Variants in RAPH1 observed in about 807,000 individuals in gnomAD.
RAPH1 encodes the protein Ras association (RalGDS/AF-6) and pleckstrin homology domains 1.
In RAPH1, 18 loss-of-function variants were observed where a neutral mutation model predicts 88.1. The ratio of observed to expected loss-of-function variants is 0.20; its 90% CI spans 0.14 to 0.30. The LOEUF (loss-of-function observed/expected upper bound fraction) is 0.30, where lower values mean the gene tolerates loss of function less well. RAPH1 is among the 10% of genes least tolerant of loss of function. RAPH1 has a pLI of 1.00. For synonymous variants in RAPH1, 587 were observed against 559.0 expected (o/e 1.05, Z -0.71); for missense variants, 1,448 against 1,543.2 (o/e 0.94, Z 1.03).
rs1201403582 is a variant in RAPH1, at chr2:203,512,621, C to CTTT, written c.1-17271_1-17269dup. 9.6e-4 allele frequency among the ~76,000 whole-genome samples: 121 copies of CTTT among 125,878 alleles called. 1 individual carries two copies. The highest frequency in any genetic ancestry group is 8.2e-3 in the South Asian group (33 of 4,022). 82.6% of individuals were successfully genotyped at this position (125,878 alleles called of 152,430 possible). A position where few individuals can be genotyped will look rare whatever the true frequency, so the allele number is the denominator to read the frequency against. ...ACAACATATGCTAAACATCCCTTAC[C>CTTT]TTTTTTTTTTTTTTTTTTTGAGACA... On this transcript the variant is annotated intron_variant, in intron 1 of 13. Transcript: ENST00000319170.
chr2:203,473,568 C>T (rs2098534958), intron 4 of RAPH1, among the ~76,000 whole-genome samples: 2 of 151,974 alleles, frequency 1.3e-5, no homozygotes, highest in African/African-American at 2.4e-5. Context: ...CCCTTGATTA[C>T]AGGGGAAAAA....
chr2:203,528,518 G>A (rs563653731), intron 1 of RAPH1, among the ~76,000 whole-genome samples: 7 of 152,212 alleles, frequency 4.6e-5, no homozygotes, highest in South Asian at 4.1e-4. Flanking sequence ...AAGTACAGCC[G>A]AAGAGGCACT....
At chr2:203,444,595 C>A in intron 13 of RAPH1, 2 of 409,964 alleles carry the variant, frequency 4.9e-6, no homozygotes, top group Non-Finnish European at 8.6e-6. Flanking sequence ...AAATCTGAGC[C>A]ACTGATGAAA....
chr2:203,501,729 C>T (rs1012139076), intron 1 of RAPH1, among the ~76,000 whole-genome samples: 1 of 148,832 alleles, frequency 6.7e-6, no homozygotes. Flanking sequence ...TAGTGACCCT[C>T]AATAGAAAGG....
Position 203,495,259 on chromosome 2 carries a change from A to T in RAPH1, c.95T>A (p.Leu32His), listed in dbSNP as rs1688461283. The change falls in exon 2 of 14, where the codon CTT becomes CAT. Residue 32 changes from leucine (L) to histidine (H), a missense_variant. Around this residue, in one of 2 missense-constraint regions of RAPH1, gnomAD observed 513 missense variants for 653.1 expected, o/e 0.79. Coordinates refer to ENST00000319170, the MANE Select transcript of RAPH1 (RefSeq NM_213589.3). ...CTGAGTGAGTTTGTCTAGTTCTCCA[A>T]GCCAGGCTCCAAACATTTTGTCCAG... ...QDLDKMFGAW[L>H]GELDKLTQSL... is the part of the protein sequence containing the mutation. The T allele has an allele frequency of 6.2e-7, 1 of 1,613,988 alleles. No homozygotes were observed. Among genetic ancestry groups the T allele is most frequent in the African/African-American group, 1.3e-5 (1 of 74,926 alleles).
intron 13 of RAPH1, chr2:203,442,294 G>A (rs2098504964): frequency 7.1e-6 from 3 of 420,430 alleles, no homozygotes; most frequent in Non-Finnish European, 1.3e-5. Flanking sequence ...AGCTAATCAT[G>A]CACGATGGTG....
intron 1 of RAPH1, among the ~76,000 whole-genome samples, chr2:203,528,897 TAGAACAAATTATATTTGGG>T (rs1690244542): frequency 6.8e-6 from 1 of 147,560 alleles, no homozygotes; most frequent in Admixed American, 6.8e-5. Context: ...ATTGGAAAAT[TAGAACAAATTATATTTGGG>T]AAACATGCAA....
chr2:203,455,138 C>G (rs2098518237), intron 9 of RAPH1, among the ~76,000 whole-genome samples: 1 of 152,090 alleles, frequency 6.6e-6, no homozygotes, highest in African/African-American at 2.4e-5. Context: ...GAGAGCTGTG[C>G]TGTTCTTCCC....
chr2:203,466,226 T>G (rs2098528323), intron 4 of RAPH1, among the ~76,000 whole-genome samples: 1 of 152,172 alleles, frequency 6.6e-6, no homozygotes, highest in Admixed American at 6.5e-5. Flanking sequence ...GATACCTCTT[T>G]TAGAGTCTGA....
intron 1 of RAPH1, chr2:203,533,513 C>T (rs1690479202): frequency 6.6e-6 from 1 of 151,798 alleles, no homozygotes; most frequent in Admixed American, 6.6e-5. Context: ...CCCCTCAATT[C>T]GGCTCTCAAA....
intron 10 of RAPH1, among the ~76,000 whole-genome samples, chr2:203,452,012 A>G (rs921308888): frequency 5.9e-5 from 9 of 152,344 alleles, no homozygotes; most frequent in Middle Eastern, 3.4e-3. Flanking sequence ...CATGTGATGC[A>G]TAGAACTGCA....
chr2:203,505,578 C>T (rs1415069255), intron 1 of RAPH1, among the ~76,000 whole-genome samples: 1 of 152,066 alleles, frequency 6.6e-6, no homozygotes. Flanking sequence ...CAAAGAAACC[C>T]CTAACATCCC....
chr2:203,484,802 T>A (rs1452206079), intron 4 of RAPH1, among the ~76,000 whole-genome samples: 2 of 152,186 alleles, frequency 1.3e-5, no homozygotes, highest in Admixed American at 1.3e-4. Context: ...CCACCAGCAG[T>A]GGTCTCAGGT....
intron 1 of RAPH1, among the ~76,000 whole-genome samples, chr2:203,510,321 G>C (rs1382716805): frequency 1.2e-5 from 1 of 84,900 alleles, no homozygotes; most frequent in Non-Finnish European, 2.1e-5. Context: ...GGGTGATAGA[G>C]CAAAACTCCA....
chr2:203,435,335 A>AG lies in RAPH1; in HGVS notation c.*4101dup, dbSNP rs920799012. On this transcript the variant is annotated 3_prime_UTR_variant, in exon 14 of 14. Transcript: ENST00000319170. Reference sequence around the variant, plus strand: ...CACTTGTGGCCAGGAGTTTGAGACCAGCCTGGGCAACACAGTGAGACCCCC... The same window carrying AG: ...CACTTGTGGCCAGGAGTTTGAGACCAGGCCTGGGCAACACAGTGAGACCCCC... The AG allele has an allele frequency of 5.3e-5, 8 of 150,762 alleles. No individual in the cohort carries two copies. Among genetic ancestry groups the AG allele is most frequent in the African/African-American group, 1.5e-4 (6 of 40,902 alleles). 9.3% of individuals were successfully genotyped at this position (150,762 alleles called of 1,614,324 possible).
chr2:203,499,198 C>T (rs556856184), intron 1 of RAPH1, among the ~76,000 whole-genome samples: 2 of 152,228 alleles, frequency 1.3e-5, no homozygotes, highest in East Asian at 1.9e-4. Context: ...TTCAAACAGG[C>T]TATTTTAAAA....
intron 4 of RAPH1, among the ~76,000 whole-genome samples, chr2:203,464,447 T>C (rs1581289300): frequency 6.6e-6 from 1 of 152,206 alleles, no homozygotes; most frequent in Non-Finnish European, 1.5e-5. Context: ...AATTTTGTAT[T>C]TTTAGAAGAG....
intron 8 of RAPH1, among the ~76,000 whole-genome samples, chr2:203,456,251 GCA>G (rs967412745): frequency 6.6e-6 from 1 of 152,088 alleles, no homozygotes; most frequent in African/African-American, 2.4e-5. Context: ...TTTGCAAACA[GCA>G]CAGTTACACT....
chr2:203,483,065 A>ACT (rs1687801252), intron 4 of RAPH1, among the ~76,000 whole-genome samples: 1 of 152,142 alleles, frequency 6.6e-6, no homozygotes, highest in African/African-American at 2.4e-5. Flanking sequence ...CTAGTGGGGT[A>ACT]AGGGACAGAA....
Sources: gnomAD v4.1 joint callset for allele counts (sites outside exome capture counted in the v4.1 genomes callset) on GRCh38, gnomAD v4.1.1 for gene constraint, gnomAD v4.1.1 regional missense constraint, MANE v1.5 for transcripts, NCBI Gene and HGNC (gene_info 2026-07-23, HGNC 2026-07-21) for gene names.